The following RNF175 variants were observed in gnomAD, a reference collection of about 807,000 sequenced individuals.
RNF175 encodes ring finger protein 175.
Under a neutral mutation model 50.0 loss-of-function variants are expected in RNF175, and 38 were observed. That is an observed-to-expected ratio of 0.76 (90% CI 0.59 to 1.00). The LOEUF (loss-of-function observed/expected upper bound fraction) is 1.00. RNF175 is among the 50% of genes least tolerant of loss of function. The pLI, the probability that RNF175 is intolerant of heterozygous loss-of-function variation, is 0.00. For synonymous variants in RNF175, 155 were observed against 146.1 expected, an observed-to-expected ratio of 1.06 and a Z score of -0.44; for missense variants, 388 against 409.6, an observed-to-expected ratio of 0.95 and a Z score of 0.46.
rs186165328 is a variant in RNF175, at chr4:153,748,604, C to T, written c.246+41G>A. ...CTGGAAAAAAACAGTCAAGCTGATA[C>T]AAGCTGGAGCAGGCTCCCAGCAGCC... On this transcript the variant is annotated intron_variant, in intron 3 of 8. Coordinates refer to ENST00000347063, the MANE Select transcript of RNF175 (RefSeq NM_173662.4). The T allele has an allele frequency of 7.9e-3, 11,990 of 1,511,228 alleles. 54 individuals are homozygous for T. The highest frequency in any genetic ancestry group is 8.9e-3 in the Non-Finnish European group (9,980 of 1,124,016). The allele number at this position is 1,511,228 out of a possible 1,614,324, so 93.6% of individuals were successfully genotyped here. A position where few individuals can be genotyped will look rare whatever the true frequency, so the allele number is the denominator to read the frequency against.
rs1328210024 is a variant in RNF175 at position 153,720,205 on chromosome 4, G to C, written c.609C>G (p.Asp203Glu). 1.2e-6 allele frequency: 2 copies of C among 1,613,774 alleles called. No individual in the cohort carries two copies. Among genetic ancestry groups the C allele is most frequent in the South Asian group, 1.1e-5 (1 of 91,084 alleles). Residue 203 changes from aspartate to glutamate, a missense_variant, in exon 6 of 9, where the codon GAC (aspartate) becomes GAG (glutamate). Physicochemically the swap from Asp to Glu is conservative, Grantham distance 45. Coordinates refer to ENST00000347063, the MANE Select transcript of RNF175 (RefSeq NM_173662.4). The part of the protein sequence containing the change: ...MGRDFAEICS[D>E]YMASTIGFYS... ...TTACCCCTATAGTGGAAGCCATGTA[G>C]TCTGAGCAGATCTCGGCAAAGTCTC...
rs1210521354 is a variant in RNF175 at position 153,715,765 on chromosome 4, C to T, written c.631-103G>A. 3.2e-6 allele frequency: 4 copies of T among 1,244,294 alleles called. No individual in the cohort carries two copies. In the African/African-American group the frequency reaches 4.5e-5, roughly 14 times the overall value. The allele number at this position is 1,244,294 out of a possible 1,614,324, so 77.1% of individuals were successfully genotyped here. A position where few individuals can be genotyped will look rare whatever the true frequency, so the allele number is the denominator to read the frequency against. ...GCACTGGGACAGGCAGCCCTTGGCA[C>T]ATAGAATCTCCACTGCGGCCGGGCA... On this transcript the variant is annotated intron_variant, in intron 6 of 8. Transcript: ENST00000347063.
intron 3 of RNF175, among the ~76,000 whole-genome samples, chr4:153,732,452 C>T (rs200202506): frequency 3.9e-5 from 6 of 152,020 alleles, no homozygotes; most frequent in African/African-American, 1.4e-4. Context: ...TGTCTTGCCT[C>T]ATTTTAAAAA....
At chr4:153,734,737 G>A (rs1739258309) in intron 3 of RNF175, among the ~76,000 whole-genome samples, 1 of 140,738 alleles carries the variant, frequency 7.1e-6, no homozygotes, top group Admixed American at 7.7e-5. Flanking sequence ...GCGCAGTGGC[G>A]TGATCTCGGC....
rs199528698 is a variant in RNF175, at chr4:153,748,754, C to T, written c.137G>A (p.Arg46Gln). Residue 46 changes from arginine (R) to glutamine (Q), a missense_variant, in exon 3 of 9, where the codon CGG becomes CAG. Transcript: ENST00000347063. ...TTCCACGTGCATGGAATCGTGGCCC[C>T]GGTGCATCTTGTACATCCTCTCCTG... ...LQQERMYKMHRGHDSMHVEMI... is the reference protein window; with the variant it reads ...LQQERMYKMHQGHDSMHVEMI... 101 of 1,611,786 alleles carry T rather than the reference C, an allele frequency of 6.3e-5. No individual in the cohort carries two copies. In the African/African-American group the frequency reaches 6.5e-4, roughly 10 times the overall value.
intron 3 of RNF175, among the ~76,000 whole-genome samples, chr4:153,734,296 A>G (rs1476780610): frequency 6.6e-6 from 1 of 152,196 alleles, no homozygotes; most frequent in Non-Finnish European, 1.5e-5. Context: ...TAGCTTTACC[A>G]TTATTTGCAT....
At chr4:153,730,902 A>AAG (rs201654546) in intron 3 of RNF175, among the ~76,000 whole-genome samples, 4,237 of 152,326 alleles carry the variant, frequency 0.028, 78 homozygotes, top group Non-Finnish European at 0.042. Context: ...CAATTTCTAG[A>AAG]AGATGTCAAA....
chr4:153,748,598 C>T (rs368635531), intron 3 of RNF175, 47 bp downstream of exon 3: 9 of 1,492,014 alleles, frequency 6.0e-6, no homozygotes, highest in African/African-American at 1.4e-5. Flanking sequence ...AACAGTCAAG[C>T]TGATACAAGC....
rs201556317 is a variant in RNF175 at position 153,728,211 on chromosome 4, G to T, written c.397C>A (p.Pro133Thr). 29 of 1,611,880 alleles carry T rather than the reference G, an allele frequency of 1.8e-5. No individual in the cohort carries two copies. The African/African-American group carries it at 3.3e-4, about 19-fold the overall frequency. Residue 133 changes from proline (P) to threonine (T), a missense_variant, in exon 4 of 9, where the codon CCA (proline) becomes ACA (threonine). Physicochemically the swap from Pro to Thr is conservative, Grantham distance 38. Coordinates refer to ENST00000347063, the MANE Select transcript of RNF175 (RefSeq NM_173662.4). Reference protein sequence around the residue: ...ATRKPLSGRTPRLVYKWFLLI... With the variant: ...ATRKPLSGRTTRLVYKWFLLI... ...AGGAATGTATGGAATACATACCGTGGTGTCCTTCCTGAGAGGGGTTTTCGG... is the reference window on the plus strand; with the variant it reads ...AGGAATGTATGGAATACATACCGTGTTGTCCTTCCTGAGAGGGGTTTTCGG...
chr4:153,751,343 T>G, intron 2 of RNF175, 95 bp downstream of exon 2: 1 of 928,088 alleles, frequency 1.1e-6, no homozygotes, highest in Non-Finnish European at 1.7e-6. Flanking sequence ...CTGGAAAATT[T>G]ACAAATAAAA....
intron 1 of RNF175, among the ~76,000 whole-genome samples, chr4:153,754,007 A>G (rs1322787992): frequency 6.6e-6 from 1 of 151,386 alleles, no homozygotes; most frequent in African/African-American, 2.4e-5. Flanking sequence ...CGTCTCTACT[A>G]AAAATACAAA....
intron 5 of RNF175, among the ~76,000 whole-genome samples, chr4:153,722,564 C>G (rs1258629309): frequency 6.6e-6 from 1 of 151,966 alleles, no homozygotes. Flanking sequence ...CTCTGCCTCC[C>G]AAGTAGCTGG....
intron 3 of RNF175, among the ~76,000 whole-genome samples, chr4:153,729,277 C>G (rs371546161): frequency 5.7e-4 from 87 of 152,306 alleles, no homozygotes; most frequent in Middle Eastern, 3.4e-3. Context: ...CAAGGGTGTA[C>G]GTTAACTAAT....
chr4:153,713,480 G>A (rs1737722393), intron 7 of RNF175: 1 of 152,186 alleles, frequency 6.6e-6, no homozygotes, highest in African/African-American at 2.4e-5. Flanking sequence ...TGGGCAAAAT[G>A]AACTATAATG....
chr4:153,723,463 G>A lies in RNF175; in HGVS notation c.402-5C>T. On this transcript the variant is annotated splice_region_variant and splice_polypyrimidine_tract_variant and intron_variant, in intron 4 of 8. Transcript: ENST00000347063. ...AGAAACCATTTGTAGACCAATCTGT[G>A]GAGTGAAAAATGGGGAGAAACACAG... is the stretch of plus-strand genomic sequence containing the variant. The A allele has an allele frequency of 7.0e-7, 1 of 1,429,368 alleles. No individual in the cohort carries two copies. The highest frequency in any genetic ancestry group is 9.9e-7 in the Non-Finnish European group (1 of 1,014,816). 88.5% of individuals were successfully genotyped at this position (1,429,368 alleles called of 1,614,324 possible).
chr4:153,755,416 G>A (rs763691668), intron 1 of RNF175, among the ~76,000 whole-genome samples: 4 of 152,168 alleles, frequency 2.6e-5, no homozygotes, highest in South Asian at 2.1e-4. Context: ...ATCACAAGAC[G>A]TTTGAGACAG....
intron 6 of RNF175, among the ~76,000 whole-genome samples, chr4:153,718,234 G>GTTTTTT (rs1276542726): frequency 7.8e-5 from 5 of 64,282 alleles, no homozygotes; most frequent in African/African-American, 2.9e-4. Flanking sequence ...TTGTTTGTTT[G>GTTTTTT]TTTGTTTTTT....
intron 5 of RNF175, chr4:153,721,364 TTC>T (rs1192892943): frequency 1.3e-5 from 2 of 152,140 alleles, no homozygotes; most frequent in African/African-American, 4.8e-5. Flanking sequence ...TAAAACCTAT[TTC>T]TGTTTTCTGT....
intron 3 of RNF175, among the ~76,000 whole-genome samples, chr4:153,743,807 A>G (rs1213690734): frequency 6.6e-6 from 1 of 152,192 alleles, no homozygotes; most frequent in Non-Finnish European, 1.5e-5. Context: ...CTGGAGAGGC[A>G]CTGCAGGTAG....
Sources: gnomAD v4.1 joint callset for allele counts (sites outside exome capture counted in the v4.1 genomes callset) on GRCh38, gnomAD v4.1.1 for gene constraint, MANE v1.5 for transcripts, NCBI Gene and HGNC (gene_info 2026-07-23, HGNC 2026-07-21) for gene names.